RSPH3: variants seen among roughly 807,000 people sequenced by gnomAD.
RSPH3 encodes radial spoke head protein 3 homolog.
A neutral mutation model predicts 43.8 loss-of-function variants in RSPH3; 21 were observed. The ratio of observed to expected loss-of-function variants is 0.48; its 90% CI spans 0.34 to 0.69. RSPH3 has a LOEUF of 0.69. Ranked by LOEUF, RSPH3 falls within the 30% of genes least tolerant of loss-of-function variation. The probability of loss-of-function intolerance (pLI) is 0.01; values close to 1 mark genes in which losing one functional copy is unlikely to be tolerated. For synonymous variants in RSPH3, 173 were observed against 179.8 expected (o/e 0.96, Z 0.30); for missense variants, 487 against 516.0 (o/e 0.94, Z 0.54).
chr6:158,966,282 T>C, the RSPH3 span, among the ~76,000 whole-genome samples: 130 of 152,306 alleles, frequency 8.5e-4, no homozygotes, highest in South Asian at 2.1e-3. Flanking sequence ...TTAAAGGATA[T>C]TGGTCTACAG....
intron 3 of RSPH3, among the ~76,000 whole-genome samples, chr6:158,985,407 G>A (rs923599644): frequency 2.0e-5 from 3 of 152,186 alleles, no homozygotes; most frequent in African/African-American, 7.2e-5. Context: ...ATCCCAGTTT[G>A]AGAACAGAAT....
chr6:158,982,915 C>T (rs1284853160), intron 4 of RSPH3, among the ~76,000 whole-genome samples: 1 of 152,102 alleles, frequency 6.6e-6, no homozygotes, highest in East Asian at 1.9e-4. Context: ...ACGCATTCAT[C>T]AAAATGAACC....
rs200543590 is a variant in RSPH3, at chr6:158,980,955, G to A, written c.697-19C>T. The A allele has an allele frequency of 1.2e-6, 2 of 1,612,656 alleles. No homozygotes were observed. Among genetic ancestry groups the A allele is most frequent in the Non-Finnish European group, 1.7e-6 (2 of 1,178,802 alleles). The stretch of plus-strand genomic sequence containing the variant: ...GCCGTTCCTGCCAAGAACGACAGAG[G>A]TGGTTATTTAGCTCTTATGCCCTCC... On this transcript the variant is annotated intron_variant, in intron 5 of 7. Transcript: ENST00000367069.
At position 158,999,768 on chromosome 6, in the gene RSPH3, G is replaced by A. The variant is rs565912272; in HGVS notation, c.-218C>T. On this transcript the variant is annotated 5_prime_UTR_variant, in exon 1 of 8. An upstream open reading frame in the 5' UTR gains an earlier in-frame stop. Transcript: ENST00000367069. ...GCTCCCAGCACCACAGAGACCAGCTGCGGGGGCCGCATCGGTTGCCCAGCA... is the reference window on the plus strand; with the variant it reads ...GCTCCCAGCACCACAGAGACCAGCTACGGGGGCCGCATCGGTTGCCCAGCA... 450 of 1,611,366 alleles carry A rather than the reference G, an allele frequency of 2.8e-4. 2 individuals are homozygous for A. The South Asian group carries it at 4.8e-3, about 17-fold the overall frequency.
chr6:158,970,351 G>A (rs981442035), downstream of RSPH3, among the ~76,000 whole-genome samples: 1 of 152,066 alleles, frequency 6.6e-6, no homozygotes, highest in East Asian at 1.9e-4. Context: ...TTTGTTGAGT[G>A]GCTCTATAAG....
At chr6:158,982,907 G>T (rs1225440875) in intron 4 of RSPH3, among the ~76,000 whole-genome samples, 1 of 151,946 alleles carries the variant, frequency 6.6e-6, no homozygotes, top group Non-Finnish European at 1.5e-5. Context: ...AAAAACCTAC[G>T]CATTCATCAA....
chr6:158,993,245 G>A (rs1423917854), intron 2 of RSPH3, among the ~76,000 whole-genome samples: 5 of 152,012 alleles, frequency 3.3e-5, no homozygotes, highest in Non-Finnish European at 7.4e-5. Flanking sequence ...AGCCTCCCGG[G>A]TAGCTGGGAC....
In RSPH3 at chr6:158,977,769, C is replaced by T. The variant is rs547924204; in HGVS notation, c.1026G>A (p.Glu342=). ...TTGCTCCAGGACCACCAGGCTCATCCTCGGGTTCTGGAGACTGATGTGTGT... is the reference window on the plus strand; with the variant it reads ...TTGCTCCAGGACCACCAGGCTCATCTTCGGGTTCTGGAGACTGATGTGTGT... ...GEDTHQSPEP[E]DEPGGPGAMT... The change falls in exon 8 of 8, where the codon GAG becomes GAA. Residue 342 remains glutamate (E), a synonymous_variant. Coordinates refer to ENST00000367069, the MANE Select transcript of RSPH3 (RefSeq NM_031924.8). The T allele has an allele frequency of 3.1e-6, 5 of 1,614,138 alleles. No homozygotes were observed. The highest frequency in any genetic ancestry group is 3.3e-5 in the Admixed American group (2 of 60,026).
rs148930620 is a variant in RSPH3 at position 158,982,545 on chromosome 6, A to C, written c.636T>G (p.Asn212Lys). 7.6e-5 allele frequency: 123 copies of C among 1,613,702 alleles called. No individual in the cohort carries two copies. The African/African-American group carries it at 1.6e-3, about 21-fold the overall frequency. The change falls in exon 5 of 8, where the codon AAT becomes AAG. Residue 212 changes from asparagine (N) to lysine (K), a missense_variant. Asn to Lys is a moderately conservative substitution (Grantham distance 94). Transcript: ENST00000367069. ...ASQREYEELR[N>K]SERAEVQRLE... ...GTCGTTGAACTTCAGCACGTTCACTATTCCGTAGTTCTTCATACTCACGCT... is the reference window on the plus strand; with the variant it reads ...GTCGTTGAACTTCAGCACGTTCACTCTTCCGTAGTTCTTCATACTCACGCT...
At chr6:158,999,356 G>A in intron 1 of RSPH3, 79 bp downstream of exon 1, 1 of 1,334,052 alleles carries the variant, frequency 7.5e-7, no homozygotes, top group Non-Finnish European at 9.9e-7. Flanking sequence ...CAGCTTTTTT[G>A]CCAGGGCGAA....
chr6:158,964,558 A>G, the RSPH3 span, among the ~76,000 whole-genome samples: 2 of 152,128 alleles, frequency 1.3e-5, no homozygotes, highest in African/African-American at 4.8e-5. Context: ...TTGATTTGCA[A>G]TTCCTTAATG....
At chr6:158,971,064 C>T (rs1248349258), downstream of RSPH3, among the ~76,000 whole-genome samples, 1 of 152,114 alleles carries the variant, frequency 6.6e-6, no homozygotes, top group African/African-American at 2.4e-5. Context: ...ATGGGCTTTT[C>T]CAGAGAGCTG....
At position 158,999,676 on chromosome 6, in the gene RSPH3, G is replaced by T. The variant is rs145292281; in HGVS notation, c.-126C>A. On this transcript the variant is annotated 5_prime_UTR_variant, in exon 1 of 8. Coordinates refer to ENST00000367069, the MANE Select transcript of RSPH3 (RefSeq NM_031924.8). Reference sequence around the variant, plus strand: ...CAAGGATTCCGCGACGCGAGGAGAGGCGACAACAAGGGAGGCGGGCGGGAC... The same window carrying T: ...CAAGGATTCCGCGACGCGAGGAGAGTCGACAACAAGGGAGGCGGGCGGGAC... The T allele has an allele frequency of 4.3e-6, 7 of 1,614,128 alleles. No homozygotes were observed. The highest frequency in any genetic ancestry group is 5.9e-6 in the Non-Finnish European group (7 of 1,180,002).
chr6:158,988,227 TAC>T (rs1331286691), intron 2 of RSPH3: 3 of 152,220 alleles, frequency 2.0e-5, no homozygotes, highest in African/African-American at 7.2e-5. Flanking sequence ...TCCTGGCCTG[TAC>T]AGTTTCCACT....
Position 158,982,359 on chromosome 6 carries a change from A to G in RSPH3, c.696+126T>C, listed in dbSNP as rs558734905. ...TAGGAGAGACTTGAGCAAAAATACT[A>G]TAGATCTTTTTCTAATATATTCCCA... On this transcript the variant is annotated intron_variant, in intron 5 of 7. Coordinates refer to ENST00000367069, the MANE Select transcript of RSPH3 (RefSeq NM_031924.8). The G allele has an allele frequency of 5.3e-5, 33 of 620,198 alleles. No individual in the cohort carries two copies. In the African/African-American group the frequency reaches 5.7e-4, roughly 11 times the overall value. 38.4% of individuals were successfully genotyped at this position (620,198 alleles called of 1,614,324 possible). A position where few individuals can be genotyped will look rare whatever the true frequency, so the allele number is the denominator to read the frequency against.
chr6:158,999,824 C>T lies in RSPH3; in HGVS notation c.-274G>A. On this transcript the variant is annotated 5_prime_UTR_variant, in exon 1 of 8. Transcript: ENST00000367069. Reference sequence around the variant, plus strand: ...GGGTTCTGTCTGGGGGCGGGAACTCCGGGCAGTTCCGGTCCCCAGGTTTCC... The same window carrying T: ...GGGTTCTGTCTGGGGGCGGGAACTCTGGGCAGTTCCGGTCCCCAGGTTTCC... 1 of 1,613,734 alleles carries T rather than the reference C, an allele frequency of 6.2e-7. No homozygotes were observed. Among genetic ancestry groups the T allele is most frequent in the Non-Finnish European group, 8.5e-7 (1 of 1,179,820 alleles).
At position 158,983,603 on chromosome 6, in the gene RSPH3, CACCT is replaced by C. The variant is rs945342955; in HGVS notation, c.492+55_492+58del. 7.8e-6 allele frequency: 10 copies of C among 1,287,938 alleles called. No homozygotes were observed. The African/African-American group carries it at 1.5e-4, about 19-fold the overall frequency. 79.8% of individuals were successfully genotyped at this position (1,287,938 alleles called of 1,614,324 possible). ...TCTTGCTCATATTAAGCATTATCTACACCTAACTTTACCTCATTTATAAAGATTA... is the reference window on the plus strand; with the variant it reads ...TCTTGCTCATATTAAGCATTATCTACAACTTTACCTCATTTATAAAGATTA... On this transcript the variant is annotated intron_variant, in intron 4 of 7. Coordinates refer to ENST00000367069, the MANE Select transcript of RSPH3 (RefSeq NM_031924.8).
chr6:158,999,736 T>A lies in RSPH3; in HGVS notation c.-186A>T. On this transcript the variant is annotated 5_prime_UTR_variant, in exon 1 of 8. Transcript: ENST00000367069. ...CCAGCGCAGGAGGTGGGAGCTATAC[T>A]GGGCTCGCTCCCAGCACCACAGAGA... The A allele has an allele frequency of 6.2e-7, 1 of 1,612,166 alleles. No homozygotes were observed. The highest frequency in any genetic ancestry group is 8.5e-7 in the Non-Finnish European group (1 of 1,178,770).
chr6:158,966,791 TC>T, the RSPH3 span, among the ~76,000 whole-genome samples: 2 of 152,122 alleles, frequency 1.3e-5, no homozygotes, highest in Non-Finnish European at 2.9e-5. Context: ...AGTGATTTTC[TC>T]AATTGTTTTT....
Sources: gnomAD v4.1 joint callset for allele counts (sites outside exome capture counted in the v4.1 genomes callset) on GRCh38, gnomAD v4.1.1 for gene constraint, MANE v1.5 for transcripts, NCBI Gene and HGNC (gene_info 2026-07-23, HGNC 2026-07-21) for gene names.